PTPN4: variants seen among roughly 807,000 people sequenced by gnomAD.
The protein encoded by PTPN4 is tyrosine-protein phosphatase non-receptor type 4.
Under a neutral mutation model 135.5 loss-of-function variants are expected in PTPN4, and 49 were observed. The observed-to-expected ratio is 0.36, with a 90% CI of 0.29 to 0.46. The LOEUF (loss-of-function observed/expected upper bound fraction) is 0.46, where lower values mean the gene tolerates loss of function less well. PTPN4 is among the 20% of genes least tolerant of loss of function. PTPN4 has a pLI of 1.00. For missense variants in PTPN4, 860 were observed against 1,101.0 expected (o/e 0.78, Z 3.10); for synonymous variants, 333 against 369.9 (o/e 0.90, Z 1.14).
chr2:119,768,964 C>T (rs962515804), intron 1 of PTPN4, among the ~76,000 whole-genome samples: 1 of 152,212 alleles, frequency 6.6e-6, no homozygotes, highest in Non-Finnish European at 1.5e-5. Context: ...ACTGAAGCAT[C>T]TTTTCTCTCC....
intron 9 of PTPN4, among the ~76,000 whole-genome samples, chr2:119,900,409 G>A (rs904315999): frequency 1.3e-5 from 2 of 151,978 alleles, no homozygotes; most frequent in Non-Finnish European, 2.9e-5. Context: ...CTAAGGAAAA[G>A]GTCTCTGATT....
At chr2:119,830,319 T>C (rs570487161) in intron 2 of PTPN4, among the ~76,000 whole-genome samples, 3 of 152,294 alleles carry the variant, frequency 2.0e-5, no homozygotes, top group South Asian at 2.1e-4. Context: ...CCAAATCTCA[T>C]GTCAGATTGT....
At chr2:119,959,794 G>C (rs1056492217) in intron 22 of PTPN4, among the ~76,000 whole-genome samples, 1 of 152,062 alleles carries the variant, frequency 6.6e-6, no homozygotes, top group Non-Finnish European at 1.5e-5. Flanking sequence ...AATAGTCTTA[G>C]GTCAGTTCAG....
intron 13 of PTPN4, among the ~76,000 whole-genome samples, chr2:119,931,004 C>G (rs1188495478): frequency 6.6e-6 from 1 of 151,938 alleles, no homozygotes; most frequent in Non-Finnish European, 1.5e-5. Context: ...TTAACTATAA[C>G]CAAAAATAGT....
chr2:119,924,432 C>T (rs548213852), intron 12 of PTPN4, among the ~76,000 whole-genome samples: 10 of 152,072 alleles, frequency 6.6e-5, no homozygotes, highest in Admixed American at 5.9e-4. Context: ...TTTACCTGCT[C>T]ATAATGGTGA....
chr2:119,966,268 C>CT (rs1189125166), intron 25 of PTPN4, among the ~76,000 whole-genome samples: 1 of 151,814 alleles, frequency 6.6e-6, no homozygotes, highest in Non-Finnish European at 1.5e-5. Context: ...CCCACCTTTT[C>CT]TTTTTTTTCA....
intron 1 of PTPN4, among the ~76,000 whole-genome samples, chr2:119,760,733 C>CTTTTTTTTTTTTTTTTTTTTTTTTT (rs59953430): frequency 2.5e-5 from 2 of 79,906 alleles, no homozygotes; most frequent in African/African-American, 5.1e-5. Context: ...GGTAGAATTC[C>CTTTTTTTTTTTTTTTTTTTTTTTTT]TTTTTTTTTT....
At chr2:119,887,315 C>G (rs952055730) in intron 9 of PTPN4, among the ~76,000 whole-genome samples, 2 of 152,062 alleles carry the variant, frequency 1.3e-5, no homozygotes, top group Non-Finnish European at 2.9e-5. Context: ...ATAATGAGAT[C>G]ACATCTCTAC....
At chr2:119,783,201 G>T (rs1690976525) in intron 1 of PTPN4, among the ~76,000 whole-genome samples, 1 of 152,058 alleles carries the variant, frequency 6.6e-6, no homozygotes, top group Non-Finnish European at 1.5e-5. Context: ...TTTGTACATT[G>T]ATTTAGGAAC....
chr2:119,764,053 G>T (rs913778718), intron 1 of PTPN4, among the ~76,000 whole-genome samples: 3 of 152,146 alleles, frequency 2.0e-5, no homozygotes, highest in African/African-American at 7.2e-5. Context: ...ACATACAGTA[G>T]CATTCAATAT....
intron 3 of PTPN4, among the ~76,000 whole-genome samples, chr2:119,874,365 A>C (rs923069221): frequency 6.6e-6 from 1 of 152,228 alleles, no homozygotes; most frequent in Non-Finnish European, 1.5e-5. Flanking sequence ...TTCACACAAA[A>C]ATGTGTACAC....
At chr2:119,936,096 G>A (rs771560246) in intron 15 of PTPN4, among the ~76,000 whole-genome samples, 42 of 151,736 alleles carry the variant, frequency 2.8e-4, no homozygotes, top group Non-Finnish European at 5.2e-4. Context: ...TCTGCCTCCC[G>A]GGTTCACGCC....
intron 2 of PTPN4, among the ~76,000 whole-genome samples, chr2:119,822,461 T>C (rs962124743): frequency 2.0e-5 from 3 of 148,842 alleles, no homozygotes; most frequent in African/African-American, 7.4e-5. Context: ...CGGGTTCAAG[T>C]GATTCTCCTG....
At chr2:119,846,334 A>G (rs548177914) in intron 2 of PTPN4, among the ~76,000 whole-genome samples, 13 of 152,178 alleles carry the variant, frequency 8.5e-5, no homozygotes, top group Admixed American at 7.9e-4. Context: ...TTATAGGTAC[A>G]TATATTTTTA....
At chr2:119,851,899 G>A (rs1386135772) in intron 2 of PTPN4, among the ~76,000 whole-genome samples, 1 of 152,146 alleles carries the variant, frequency 6.6e-6, no homozygotes, top group Admixed American at 6.5e-5. Context: ...GCCCTCTCCT[G>A]CCTGGCTTAT....
chr2:119,775,514 T>G (rs1238428752), intron 1 of PTPN4, among the ~76,000 whole-genome samples: 1 of 152,196 alleles, frequency 6.6e-6, no homozygotes, highest in East Asian at 1.9e-4. Flanking sequence ...AACACAACAT[T>G]TCTAATTCAG....
At chr2:119,825,568 T>C (rs1192198377) in intron 2 of PTPN4, among the ~76,000 whole-genome samples, 1 of 149,922 alleles carries the variant, frequency 6.7e-6, no homozygotes. Flanking sequence ...TGATCTCTGC[T>C]CACTACAACC....
chr2:119,928,240 T>C (rs1205370099), intron 13 of PTPN4, among the ~76,000 whole-genome samples: 1 of 152,184 alleles, frequency 6.6e-6, no homozygotes. Context: ...TCTTTGATTG[T>C]AAACTGTAAA....
intron 2 of PTPN4, among the ~76,000 whole-genome samples, chr2:119,819,416 G>A (rs751268429): frequency 2.6e-5 from 4 of 152,128 alleles, no homozygotes; most frequent in African/African-American, 4.8e-5. Flanking sequence ...ATATGAAAAC[G>A]TATCTCATTA....
Sources: gnomAD v4.1 joint callset for allele counts (sites outside exome capture counted in the v4.1 genomes callset) on GRCh38, gnomAD v4.1.1 for gene constraint, MANE v1.5 for transcripts, NCBI Gene and HGNC (gene_info 2026-07-23, HGNC 2026-07-21) for gene names.